Variants in NRG3 observed in about 807,000 individuals in gnomAD.
NRG3 encodes neuregulin 3.
In NRG3, 31 loss-of-function variants were observed where a neutral mutation model predicts 66.9. The observed-to-expected ratio is 0.46, with a 90% CI of 0.35 to 0.63. NRG3 has a LOEUF of 0.63. NRG3 is among the 20% of genes least tolerant of loss of function. The probability of loss-of-function intolerance (pLI) is 0.00; values close to 1 mark genes in which losing one functional copy is unlikely to be tolerated. For synonymous variants in NRG3, 393 were observed against 359.4 expected (o/e 1.09, Z -1.06); for missense variants, 910 against 878.9 (o/e 1.04, Z -0.45).
intron 2 of NRG3, among the ~76,000 whole-genome samples, chr10:82,651,544 G>T (rs2051414656): frequency 6.6e-6 from 1 of 152,212 alleles, no homozygotes; most frequent in African/African-American, 2.4e-5. Flanking sequence ...AAGCCTACAT[G>T]ACAAGGAACT....
At chr10:82,158,410 C>G (rs1441248038) in intron 1 of NRG3, among the ~76,000 whole-genome samples, 3 of 151,412 alleles carry the variant, frequency 2.0e-5, no homozygotes, top group African/African-American at 7.3e-5. Context: ...GGTGTATGTG[C>G]TCCTGTGAGC....
rs1191761362 is a variant in NRG3 at position 82,977,051 on chromosome 10, GGACTCT to G, written c.1413-1894_1413-1889del. ...TTAAAGTGCCATCTATGTCTCTCCAGGACTCTGACTGGTACAAGTACCTCCATCAGC... is the reference window on the plus strand; with the variant it reads ...TTAAAGTGCCATCTATGTCTCTCCAGGACTGGTACAAGTACCTCCATCAGC... On this transcript the variant is annotated intron_variant, in intron 7 of 8. Transcript: ENST00000372141. 1.7e-4 allele frequency among the ~76,000 whole-genome samples: 26 copies of G among 152,146 alleles called. 1 individual carries two copies. The South Asian group carries it at 5.4e-3, about 32-fold the overall frequency.
chr10:82,724,934 A>T, intron 2 of NRG3, among the ~76,000 whole-genome samples: 1 of 152,128 alleles, frequency 6.6e-6, no homozygotes, highest in Non-Finnish European at 1.5e-5. Flanking sequence ...CATCTACACA[A>T]CCCAGGCAGA....
rs544257715 is a variant in NRG3 at position 82,964,519 on chromosome 10, T to C, written c.1284+5444T>C. Among the ~76,000 whole-genome samples the C allele has an allele frequency of 1.1e-4, 16 of 152,320 alleles. No homozygotes were observed. In the South Asian group the frequency reaches 2.9e-3, roughly 28 times the overall value. On this transcript the variant is annotated intron_variant, in intron 6 of 8. Coordinates refer to ENST00000372141, the MANE Select transcript of NRG3 (RefSeq NM_001010848.4). ...AAAGGAAATGTGTGAAAATTGCAAT[T>C]CTTAAAGTTCTTGCTGCTTTGGTGT...
chr10:82,169,538 G>C (rs1202708838), intron 1 of NRG3, among the ~76,000 whole-genome samples: 1 of 150,690 alleles, frequency 6.6e-6, no homozygotes, highest in African/African-American at 2.4e-5. Context: ...TTGAGTTTTA[G>C]GGTATATTAC....
intron 2 of NRG3, among the ~76,000 whole-genome samples, chr10:82,638,144 G>A (rs777226049): frequency 6.6e-6 from 1 of 152,126 alleles, no homozygotes; most frequent in Non-Finnish European, 1.5e-5. Flanking sequence ...AAAAAGATAC[G>A]ATGCTGAATT....
intron 1 of NRG3, among the ~76,000 whole-genome samples, chr10:82,059,437 A>T (rs2064017087): frequency 6.6e-6 from 1 of 152,174 alleles, no homozygotes; most frequent in African/African-American, 2.4e-5. Flanking sequence ...AGAAGAATCA[A>T]GGAGGTGACT....
chr10:81,983,009 G>A (rs1439868357), intron 1 of NRG3, among the ~76,000 whole-genome samples: 2 of 152,136 alleles, frequency 1.3e-5, no homozygotes, highest in Non-Finnish European at 2.9e-5. Context: ...TTAAAACCAT[G>A]TTTCCCTGAG....
intron 2 of NRG3, among the ~76,000 whole-genome samples, chr10:82,533,088 A>G (rs1483571727): frequency 1.4e-5 from 2 of 148,046 alleles, no homozygotes; most frequent in Non-Finnish European, 3.0e-5. Context: ...GGCTATTTGT[A>G]TATCTTTTTT....
chr10:82,449,847 A>G (rs953594328), intron 2 of NRG3, among the ~76,000 whole-genome samples: 12 of 152,198 alleles, frequency 7.9e-5, no homozygotes, highest in African/African-American at 2.7e-4. Context: ...AGATCAAAAC[A>G]ATAACTCATT....
At chr10:82,690,974 C>G (rs1439621556) in intron 2 of NRG3, among the ~76,000 whole-genome samples, 1 of 152,124 alleles carries the variant, frequency 6.6e-6, no homozygotes, top group Non-Finnish European at 1.5e-5. Flanking sequence ...CTCCTTCCTC[C>G]TCTTTCTCCT....
intron 3 of NRG3, among the ~76,000 whole-genome samples, chr10:82,851,903 A>G (rs1015781588): frequency 6.6e-6 from 1 of 152,176 alleles, no homozygotes; most frequent in African/African-American, 2.4e-5. Context: ...GTGGAGTGTG[A>G]TGAGACTCAG....
At chr10:82,761,077 G>A (rs1241599216) in intron 3 of NRG3, among the ~76,000 whole-genome samples, 1 of 151,658 alleles carries the variant, frequency 6.6e-6, no homozygotes, top group East Asian at 1.9e-4. Flanking sequence ...AAAATCTACA[G>A]ATGACTTGAG....
At chr10:82,829,425 A>G (rs1241424971) in intron 3 of NRG3, among the ~76,000 whole-genome samples, 1 of 152,212 alleles carries the variant, frequency 6.6e-6, no homozygotes, top group Non-Finnish European at 1.5e-5. Context: ...GATTTGTATA[A>G]TCAGAAAGAT....
intron 1 of NRG3, among the ~76,000 whole-genome samples, chr10:82,203,010 G>A (rs564151321): frequency 1.3e-5 from 2 of 152,244 alleles, no homozygotes; most frequent in African/African-American, 4.8e-5. Context: ...GGCACATTAG[G>A]GAGGACATGA....
intron 3 of NRG3, among the ~76,000 whole-genome samples, chr10:82,839,657 A>G (rs2062957420): frequency 6.6e-6 from 1 of 151,720 alleles, no homozygotes; most frequent in Non-Finnish European, 1.5e-5. Context: ...TTATAATTTT[A>G]AAATTTAAGT....
At chr10:82,746,616 C>G (rs1332549266) in intron 3 of NRG3, among the ~76,000 whole-genome samples, 1 of 152,158 alleles carries the variant, frequency 6.6e-6, no homozygotes, top group Admixed American at 6.5e-5. Flanking sequence ...AGAGGGAGAT[C>G]AAGTGTTATG....
chr10:82,222,308 T>A (rs1042693092), intron 1 of NRG3, among the ~76,000 whole-genome samples: 2 of 151,866 alleles, frequency 1.3e-5, no homozygotes, highest in Admixed American at 6.6e-5. Context: ...ATAGAACAAT[T>A]TCTTAAATAA....
chr10:81,961,381 T>A (rs1013298794), intron 1 of NRG3, among the ~76,000 whole-genome samples: 2 of 152,200 alleles, frequency 1.3e-5, no homozygotes, highest in African/African-American at 4.8e-5. Context: ...GTAGACACCT[T>A]GAGGACAGGG....
Sources: gnomAD v4.1 joint callset for allele counts (sites outside exome capture counted in the v4.1 genomes callset) on GRCh38, gnomAD v4.1.1 for gene constraint, MANE v1.5 for transcripts, NCBI Gene and HGNC (gene_info 2026-07-23, HGNC 2026-07-21) for gene names.